MAP1LC3A: variants seen among roughly 807,000 people sequenced by gnomAD.
MAP1LC3A encodes microtubule-associated protein 1 light chain 3 alpha.
A neutral mutation model predicts 15.2 loss-of-function variants in MAP1LC3A; 10 were observed. The observed-to-expected ratio is 0.66, with a 90% confidence interval of 0.41 to 1.12. MAP1LC3A has a LOEUF of 1.12. Among genes scored for constraint, MAP1LC3A ranks in the 50% most tolerant of loss-of-function variants. The pLI is 0.00. For missense variants in MAP1LC3A, 138 were observed against 167.3 expected, an observed-to-expected ratio of 0.82 and a Z score of 0.97; for synonymous variants, 63 against 64.3, an observed-to-expected ratio of 0.98 and a Z score of 0.10.
intron 1 of MAP1LC3A, among the ~76,000 whole-genome samples, chr20:34,547,296 T>C (rs961884359): frequency 6.6e-6 from 1 of 151,840 alleles, no homozygotes; most frequent in African/African-American, 2.4e-5. Context: ...TTGGGACTTT[T>C]GGAAGTAATT....
chr20:34,558,345 G>A (rs535731434), upstream of MAP1LC3A: 5 of 986,804 alleles, frequency 5.1e-6, no homozygotes, highest in African/African-American at 5.2e-5. The surrounding 1 kb of genome is among the most constrained non-coding windows in gnomAD (Gnocchi z 4.3). Flanking sequence ...CCTAAGCCCC[G>A]TGAAGGCGCC....
In MAP1LC3A at chr20:34,558,720, G is replaced by A; in HGVS notation, c.-149G>A. The stretch of plus-strand genomic sequence containing the variant: ...GAATGTTGTGACCTGACGTCACCGG[G>A]CGAGTTACCTCCCGCAGCCGCAGCC... On this transcript the variant is annotated 5_prime_UTR_variant, in exon 1 of 4. Coordinates refer to ENST00000360668, the MANE Select transcript of MAP1LC3A (RefSeq NM_032514.4). The surrounding 1 kb of genome is among the most constrained non-coding windows in gnomAD (Gnocchi z 4.3). 3.1e-6 allele frequency: 4 copies of A among 1,293,390 alleles called. No homozygotes were observed. Among genetic ancestry groups the A allele is most frequent in the East Asian group, 3.2e-5 (1 of 31,306 alleles). The allele number at this position is 1,293,390 out of a possible 1,614,324, so 80.1% of individuals were successfully genotyped here.
chr20:34,555,828 C>G (rs571017671), upstream of MAP1LC3A, among the ~76,000 whole-genome samples: 1 of 149,694 alleles, frequency 6.7e-6, no homozygotes, highest in African/African-American at 2.5e-5. Context: ...GCCATGGCCC[C>G]CCTCCCAAGT....
chr20:34,558,525 G>C (rs1277378573), upstream of MAP1LC3A: 7 of 1,092,876 alleles, frequency 6.4e-6, no homozygotes, highest in Admixed American at 1.0e-4. The surrounding 1 kb of genome is among the most constrained non-coding windows in gnomAD (Gnocchi z 4.3). Flanking sequence ...CGGGCTGCGG[G>C]AGAAGCTCCC....
upstream of MAP1LC3A, among the ~76,000 whole-genome samples, chr20:34,557,589 C>T (rs1982205851): frequency 6.6e-6 from 1 of 152,290 alleles, no homozygotes; most frequent in Middle Eastern, 3.4e-3. Flanking sequence ...CTAATTTCTT[C>T]CTTTTGGGTT....
At chr20:34,548,705 CTTT>C (rs112988331) in intron 1 of MAP1LC3A, among the ~76,000 whole-genome samples, 8 of 142,298 alleles carry the variant, frequency 5.6e-5, no homozygotes, top group Non-Finnish European at 9.2e-5. Flanking sequence ...CCTTCGCTGC[CTTT>C]TTTTTTTTTT....
upstream of MAP1LC3A, among the ~76,000 whole-genome samples, chr20:34,555,771 C>A (rs530492296): frequency 1.3e-5 from 2 of 151,976 alleles, no homozygotes; most frequent in East Asian, 3.9e-4. Context: ...CCAGTCTGGG[C>A]CCCCCAAAGT....
In MAP1LC3A at chr20:34,558,925, G is replaced by C; in HGVS notation, c.40+17G>C. 2.9e-6 allele frequency: 4 copies of C among 1,382,528 alleles called. No individual in the cohort carries two copies. The highest frequency in any genetic ancestry group is 3.7e-6 in the Non-Finnish European group (4 of 1,072,288). The allele number at this position is 1,382,528 out of a possible 1,614,324, so 85.6% of individuals were successfully genotyped here. A position where few individuals can be genotyped will look rare whatever the true frequency, so the allele number is the denominator to read the frequency against. ...GGAGCTTCGGTGAGGCCCGGCAGGCGAGCTGCGAGCTCTGGGGCAGGGGTG... is the reference window on the plus strand; with the variant it reads ...GGAGCTTCGGTGAGGCCCGGCAGGCCAGCTGCGAGCTCTGGGGCAGGGGTG... On this transcript the variant is annotated intron_variant, in intron 1 of 3. Coordinates refer to ENST00000360668, the MANE Select transcript of MAP1LC3A (RefSeq NM_032514.4). The surrounding 1 kb of genome is among the most constrained non-coding windows in gnomAD (Gnocchi z 4.3).
In MAP1LC3A at chr20:34,559,528, G is replaced by A. The variant is rs182912977; in HGVS notation, c.203+75G>A. On this transcript the variant is annotated intron_variant, in intron 3 of 3. Transcript: ENST00000360668. ...GGGTTCCCGCCGAGAAGGGGTGGGA[G>A]TGGGGTCAGGGGTGATGGGACCGGG... 5,322 of 1,406,834 alleles carry A rather than the reference G, an allele frequency of 3.8e-3. 37 individuals carry two copies. The highest frequency in any genetic ancestry group is 0.012 in the South Asian group (1,042 of 83,400). 87.1% of individuals were successfully genotyped at this position (1,406,834 alleles called of 1,614,324 possible). A position where few individuals can be genotyped will look rare whatever the true frequency, so the allele number is the denominator to read the frequency against.
At chr20:34,551,467 CTTTTTTTT>C (rs58191574) in intron 2 of MAP1LC3A, among the ~76,000 whole-genome samples, 1 of 104,812 alleles carries the variant, frequency 9.5e-6, no homozygotes, top group African/African-American at 3.8e-5. Flanking sequence ...GAACGCTGTC[CTTTTTTTT>C]TTTTTTTTTT....
rs147381488 is a variant in MAP1LC3A, at chr20:34,553,585, T to C, written c.52+3556T>C. On this transcript the variant is annotated intron_variant, in intron 2 of 4. Transcript: ENST00000374837. ...TCACATTTAATCTTCTGTGGCACTG[T>C]GTGTGTGAGGTTTGTCCAGTTTGAC... Among the ~76,000 whole-genome samples, 592 of 152,322 alleles carry C rather than the reference T, an allele frequency of 3.9e-3. 7 individuals are homozygous for C. Among genetic ancestry groups the C allele is most frequent in the African/African-American group, 0.011 (444 of 41,570 alleles).
chr20:34,554,176 C>G (rs899380003), upstream of MAP1LC3A, among the ~76,000 whole-genome samples: 4 of 150,822 alleles, frequency 2.7e-5, no homozygotes, highest in African/African-American at 9.8e-5. Flanking sequence ...TGTAGATTCT[C>G]TTGGATTTCC....
rs1296170847 is a variant in MAP1LC3A, at chr20:34,558,861, C to A, written c.-8C>A. On this transcript the variant is annotated 5_prime_UTR_variant, in exon 1 of 4. Transcript: ENST00000360668. The surrounding 1 kb of genome is among the most constrained non-coding windows in gnomAD (Gnocchi z 4.3). ...GCCCCGGCCTGCGCGCCCAGCCGGGCCCGCGCGATGCCCTCAGACCGGCCT... is the reference window on the plus strand; with the variant it reads ...GCCCCGGCCTGCGCGCCCAGCCGGGACCGCGCGATGCCCTCAGACCGGCCT... 3 of 1,438,684 alleles carry A rather than the reference C, an allele frequency of 2.1e-6. No homozygotes were observed. Among genetic ancestry groups the A allele is most frequent in the Non-Finnish European group, 2.7e-6 (3 of 1,102,124 alleles). The allele number at this position is 1,438,684 out of a possible 1,614,324, so 89.1% of individuals were successfully genotyped here. A position where few individuals can be genotyped will look rare whatever the true frequency, so the allele number is the denominator to read the frequency against.
intron 1 of MAP1LC3A, 74 bp from the exon 2 acceptor site, chr20:34,559,134 G>T (rs1321957673): frequency 1.4e-6 from 2 of 1,406,530 alleles, no homozygotes; most frequent in South Asian, 3.0e-5. Flanking sequence ...GTGGCCGGGG[G>T]CCGCCCCTCC....
At chr20:34,552,142 C>T (rs1002259403) in intron 2 of MAP1LC3A, among the ~76,000 whole-genome samples, 2 of 152,192 alleles carry the variant, frequency 1.3e-5, no homozygotes, top group African/African-American at 2.4e-5. Context: ...GGATTACAGG[C>T]GAGTACTGCC....
chr20:34,559,106 G>C, intron 1 of MAP1LC3A, 102 bp from the exon 2 acceptor site: 6 of 1,353,946 alleles, frequency 4.4e-6, no homozygotes, highest in Non-Finnish European at 5.7e-6. Context: ...CCCCGGGGGT[G>C]GGGGCTGGAG....
upstream of MAP1LC3A, among the ~76,000 whole-genome samples, chr20:34,556,317 C>T (rs1250001849): frequency 1.3e-5 from 2 of 152,152 alleles, no homozygotes; most frequent in Non-Finnish European, 2.9e-5. Context: ...TGAGATTTGT[C>T]GTGCACCCTA....
upstream of MAP1LC3A, chr20:34,558,640 G>A: frequency 8.1e-6 from 10 of 1,228,122 alleles, no homozygotes; most frequent in Non-Finnish European, 1.0e-5. This position sits in a 1 kb window ranked among gnomAD's most constrained non-coding sequence, Gnocchi z 4.3. Context: ...ACGGGTCCGG[G>A]CGGGCGGGTT....
intron 2 of MAP1LC3A, among the ~76,000 whole-genome samples, chr20:34,551,888 C>A (rs867239349): frequency 1.4e-4 from 21 of 152,044 alleles, no homozygotes; most frequent in African/African-American, 4.8e-4. Context: ...GAAAAAAAAC[C>A]AAATACTGAC....
Sources: gnomAD v4.1 joint callset for allele counts (sites outside exome capture counted in the v4.1 genomes callset) on GRCh38, gnomAD v4.1.1 for gene constraint, Gnocchi (gnomAD v3.1) non-coding constraint, MANE v1.5 for transcripts, NCBI Gene and HGNC (gene_info 2026-07-23, HGNC 2026-07-21) for gene names.